SATB2: variants seen among roughly 807,000 people sequenced by gnomAD.
The protein encoded by SATB2 is DNA-binding protein SATB2.
SATB2 carries 1 observed loss-of-function variant against 73.4 expected under a neutral mutation model. The observed-to-expected ratio is 0.01, with a 90% CI of 0.00 to 0.06. The LOEUF (loss-of-function observed/expected upper bound fraction) is 0.06, where lower values mean the gene tolerates loss of function less well. Ranked by LOEUF, SATB2 falls within the 10% of genes least tolerant of loss-of-function variation. The pLI, the probability that SATB2 is intolerant of heterozygous loss-of-function variation, is 1.00. For missense variants in SATB2, 459 were observed against 945.8 expected (o/e 0.49, Z 6.75); for synonymous variants, 397 against 367.0 (o/e 1.08, Z -0.93).
intron 6 of SATB2, among the ~76,000 whole-genome samples, chr2:199,362,365 C>A: frequency 9.2e-6 from 1 of 108,784 alleles, no homozygotes; most frequent in Admixed American, 1.3e-4. Context: ...CGCCCACCCC[C>A]CACCCCACGT....
intron 3 of SATB2, among the ~76,000 whole-genome samples, chr2:199,406,646 A>G (rs1323416701): frequency 2.0e-5 from 3 of 152,176 alleles, no homozygotes; most frequent in Non-Finnish European, 4.4e-5. Context: ...AGAAGAATAG[A>G]CTTTTGAGAG....
chr2:199,444,915 G>A (rs537704789), intron 2 of SATB2, among the ~76,000 whole-genome samples: 8 of 152,296 alleles, frequency 5.3e-5, no homozygotes, highest in African/African-American at 1.9e-4. Flanking sequence ...CTATATATGA[G>A]AGGCTGGCGG....
rs144525374 is a variant in SATB2, at chr2:199,372,875, A to T, written c.598-4168T>A. Among the ~76,000 whole-genome samples, 1,011 of 152,352 alleles carry T rather than the reference A, an allele frequency of 6.6e-3. 9 individuals carry two copies. The highest frequency in any genetic ancestry group is 9.4e-3 in the Admixed American group (144 of 15,308). On this transcript the variant is annotated intron_variant, in intron 5 of 10. Transcript: ENST00000417098. ...GAACCTAAAGGGAATTTAAAACTTA[A>T]TAGGAAAAAGCAAAATAATAAACAC...
At chr2:199,327,208 G>T (rs1688053587) in intron 8 of SATB2, among the ~76,000 whole-genome samples, 1 of 152,166 alleles carries the variant, frequency 6.6e-6, no homozygotes, top group South Asian at 2.1e-4. Flanking sequence ...GCAAGGCCGA[G>T]GTGGGCAGAT....
chr2:199,339,878 C>T (rs188439106), intron 7 of SATB2, among the ~76,000 whole-genome samples: 4 of 152,322 alleles, frequency 2.6e-5, no homozygotes, highest in Admixed American at 2.0e-4. Flanking sequence ...GAAGCTCAGA[C>T]TCCCAAATAT....
intron 7 of SATB2, among the ~76,000 whole-genome samples, chr2:199,339,582 T>C (rs185027562): frequency 6.6e-6 from 1 of 152,320 alleles, no homozygotes; most frequent in African/African-American, 2.4e-5. Flanking sequence ...TGTCATTTTA[T>C]AACCAGCTCA....
intron 3 of SATB2, among the ~76,000 whole-genome samples, chr2:199,431,410 G>A (rs1272134637): frequency 1.3e-5 from 2 of 152,134 alleles, no homozygotes; most frequent in Non-Finnish European, 2.9e-5. Flanking sequence ...TTTTCTTTGT[G>A]AGATTACAGT....
At chr2:199,426,548 T>C (rs141454391) in intron 3 of SATB2, among the ~76,000 whole-genome samples, 2,814 of 152,066 alleles carry the variant, frequency 0.019, 103 homozygotes, top group African/African-American at 0.064. Flanking sequence ...CCACCCGCCT[T>C]GGCCTCCCAA....
chr2:199,272,558 T>C lies in SATB2; in HGVS notation c.1855A>G (p.Thr619Ala), dbSNP rs746809112. ...CCCAGGGCTTCTAAGGAGATCTTTG[T>C]GCGAGACCGGGGCTTTTTGGCACAA... ...DSCAKKPRSR[T>A]KISLEALGIL... Residue 619 changes from threonine to alanine, a missense_variant, in exon 11 of 11, where the codon ACA (threonine) becomes GCA (alanine). By Grantham distance (58) the Thr-to-Ala change is moderately conservative. Transcript: ENST00000417098. This position sits in a 1 kb window ranked among gnomAD's most constrained non-coding sequence, Gnocchi z 6.7. 1 of 1,614,156 alleles carries C rather than the reference T, an allele frequency of 6.2e-7. No homozygotes were observed. Among genetic ancestry groups the C allele is most frequent in the Non-Finnish European group, 8.5e-7 (1 of 1,180,016 alleles).
intron 10 of SATB2, among the ~76,000 whole-genome samples, chr2:199,282,509 C>G (rs983915873): frequency 2.0e-5 from 3 of 152,122 alleles, no homozygotes; most frequent in Non-Finnish European, 4.4e-5. Context: ...CCTTGTAATT[C>G]TGAGCACGTT....
chr2:199,273,655 C>T (rs954654716), intron 10 of SATB2, among the ~76,000 whole-genome samples: 3 of 152,120 alleles, frequency 2.0e-5, no homozygotes, highest in African/African-American at 7.2e-5. Flanking sequence ...TTATACTTAA[C>T]ATAGATAGAC....
At chr2:199,289,247 C>T (rs1445980037) in intron 10 of SATB2, among the ~76,000 whole-genome samples, 2 of 152,048 alleles carry the variant, frequency 1.3e-5, no homozygotes, top group Admixed American at 6.6e-5. Context: ...GCAGGTATAT[C>T]GGGTGAGAAG....
At chr2:199,442,665 T>C (rs1225775695) in intron 2 of SATB2, among the ~76,000 whole-genome samples, 1 of 152,164 alleles carries the variant, frequency 6.6e-6, no homozygotes, top group South Asian at 2.1e-4. Flanking sequence ...AAGGATCAGT[T>C]GAGCTTAGGA....
intron 6 of SATB2, among the ~76,000 whole-genome samples, chr2:199,350,132 CA>C (rs1688771517): frequency 6.6e-6 from 1 of 151,932 alleles, no homozygotes; most frequent in South Asian, 2.1e-4. Flanking sequence ...ATCTCTTTTT[CA>C]AAGCAAAAAA....
intron 7 of SATB2, among the ~76,000 whole-genome samples, chr2:199,336,319 T>C (rs952128148): frequency 1.3e-5 from 2 of 152,134 alleles, no homozygotes; most frequent in Admixed American, 1.3e-4. Flanking sequence ...ACACCTCAAG[T>C]ACCTGGCACT....
At chr2:199,281,803 A>C (rs1018702701) in intron 10 of SATB2, among the ~76,000 whole-genome samples, 3 of 151,958 alleles carry the variant, frequency 2.0e-5, no homozygotes, top group African/African-American at 7.3e-5. Context: ...TGTGAGCTAC[A>C]TATTGGCATA....
chr2:199,310,884 G>A (rs1362616395), intron 9 of SATB2, among the ~76,000 whole-genome samples: 1 of 152,184 alleles, frequency 6.6e-6, no homozygotes, highest in Non-Finnish European at 1.5e-5. Context: ...ACAGCTGAGT[G>A]GTATCTCCAC....
chr2:199,426,707 A>AAAAAAG (rs1559047990), intron 3 of SATB2, among the ~76,000 whole-genome samples: 2 of 127,860 alleles, frequency 1.6e-5, no homozygotes, highest in South Asian at 2.5e-4. Context: ...AAAAAAAAAA[A>AAAAAAG]AAAAGAAAAG....
At chr2:199,450,763 A>T (rs538219105) in intron 2 of SATB2, among the ~76,000 whole-genome samples, 9 of 152,226 alleles carry the variant, frequency 5.9e-5, no homozygotes, top group Non-Finnish European at 1.0e-4. Context: ...GGGGTTTTAA[A>T]TTATAACCAT....
Sources: allele counts gnomAD v4.1 joint callset (sites outside exome capture counted in the v4.1 genomes callset), GRCh38; gene constraint gnomAD v4.1.1; non-coding constraint Gnocchi (gnomAD v3.1); transcripts MANE v1.5; gene names NCBI Gene and HGNC (gene_info 2026-07-23, HGNC 2026-07-21).